DLG2: variants seen among roughly 807,000 people sequenced by gnomAD.
DLG2 encodes discs large MAGUK scaffold protein 2, also known as disks large homolog 2.
A neutral mutation model predicts 132.5 loss-of-function variants in DLG2; 45 were observed. That is an observed-to-expected ratio of 0.34 (90% CI 0.27 to 0.44). The LOEUF (loss-of-function observed/expected upper bound fraction) is 0.44. Among genes scored for constraint, DLG2 ranks in the 20% least tolerant of loss-of-function variants. DLG2 has a pLI of 1.00. For synonymous variants in DLG2, 424 were observed against 419.6 expected (o/e 1.01, Z -0.13); for missense variants, 1,045 against 1,196.9 (o/e 0.87, Z 1.87).
intron 3 of DLG2, among the ~76,000 whole-genome samples, chr11:85,388,577 C>A (rs1008169266): frequency 6.6e-6 from 1 of 152,084 alleles, no homozygotes; most frequent in Non-Finnish European, 1.5e-5. Context: ...CACAAGCAAG[C>A]GCTCATACAG....
At chr11:84,906,035 C>T (rs10898325) in intron 6 of DLG2, among the ~76,000 whole-genome samples, 73,379 of 151,894 alleles carry the variant, frequency 0.48, 18,080 homozygotes, top group South Asian at 0.61. Flanking sequence ...ATTCCTAGTT[C>T]AGCAAATTCA....
At chr11:84,116,083 G>A (rs1320246136) in intron 9 of DLG2, among the ~76,000 whole-genome samples, 1 of 152,188 alleles carries the variant, frequency 6.6e-6, no homozygotes, top group Non-Finnish European at 1.5e-5. Flanking sequence ...CACCAAATTC[G>A]TGTGTTGGAA....
intron 9 of DLG2, among the ~76,000 whole-genome samples, chr11:84,151,117 C>T (rs2154250862): frequency 6.6e-6 from 1 of 151,318 alleles, no homozygotes; most frequent in Admixed American, 6.6e-5. Flanking sequence ...ATGACGTTGG[C>T]TTTGTAGAAT....
chr11:83,857,478 A>G (rs542583974), intron 16 of DLG2, among the ~76,000 whole-genome samples: 6 of 152,132 alleles, frequency 3.9e-5, no homozygotes, highest in East Asian at 1.9e-4. Context: ...TGTTTGTGTC[A>G]TCTCTGAGAA....
At chr11:84,659,701 A>T (rs1385289225) in intron 6 of DLG2, among the ~76,000 whole-genome samples, 1 of 152,110 alleles carries the variant, frequency 6.6e-6, no homozygotes, top group African/African-American at 2.4e-5. Flanking sequence ...TGCTAAACCA[A>T]CTATGAGGTA....
chr11:85,546,237 T>C (rs1192383901), intron 3 of DLG2, among the ~76,000 whole-genome samples: 1 of 152,206 alleles, frequency 6.6e-6, no homozygotes. Flanking sequence ...TCTGCCTTCA[T>C]TTTGTTATTT....
At chr11:84,193,475 G>T (rs988069375) in intron 8 of DLG2, among the ~76,000 whole-genome samples, 3 of 152,166 alleles carry the variant, frequency 2.0e-5, no homozygotes, top group Non-Finnish European at 4.4e-5. Flanking sequence ...TTAGAAGAAT[G>T]GCTGGCATAT....
chr11:85,132,030 T>C (rs1245903921), intron 5 of DLG2, among the ~76,000 whole-genome samples: 5 of 151,432 alleles, frequency 3.3e-5, no homozygotes, highest in African/African-American at 1.2e-4. Context: ...AAATAATCAG[T>C]GATTATAAAA....
intron 4 of DLG2, among the ~76,000 whole-genome samples, chr11:85,256,413 A>T (rs924198790): frequency 1.3e-5 from 2 of 152,136 alleles, no homozygotes; most frequent in African/African-American, 2.4e-5. Context: ...CTTCGCATTC[A>T]TCCTTCAAGT....
chr11:84,174,493 C>T lies in DLG2; in HGVS notation c.574-10982G>A, dbSNP rs374865950. Among the ~76,000 whole-genome samples, 19 of 152,266 alleles carry T rather than the reference C, an allele frequency of 1.2e-4. No individual in the cohort carries two copies. The South Asian group carries it at 3.7e-3, about 30-fold the overall frequency. On this transcript the variant is annotated intron_variant, in intron 8 of 27. Coordinates refer to ENST00000376104, the MANE Select transcript of DLG2 (RefSeq NM_001142699.3). The stretch of plus-strand genomic sequence containing the variant: ...TCTAGCCAAGTAATTGAGCTGAACA[C>T]CTCCTCCTTTTGGTATCTTTACTAA...
intron 9 of DLG2, among the ~76,000 whole-genome samples, chr11:84,102,353 A>C (rs1439562886): frequency 6.6e-6 from 1 of 152,068 alleles, no homozygotes; most frequent in Non-Finnish European, 1.5e-5. Flanking sequence ...TAAATACTTG[A>C]TGAATGAAGT....
intron 7 of DLG2, among the ~76,000 whole-genome samples, chr11:84,507,704 G>GT (rs1223470473): frequency 6.6e-6 from 1 of 152,172 alleles, no homozygotes; most frequent in East Asian, 1.9e-4. Context: ...TTTATTCAAA[G>GT]TTTTTTCTAT....
chr11:84,652,492 G>T (rs1565566288), intron 6 of DLG2, among the ~76,000 whole-genome samples: 1 of 151,982 alleles, frequency 6.6e-6, no homozygotes, highest in Non-Finnish European at 1.5e-5. Context: ...TAAAGAAGAA[G>T]GCAATGAAAT....
rs180931926 is a variant in DLG2 at position 85,521,380 on chromosome 11, T to C, written c.40+77277A>G. On this transcript the variant is annotated intron_variant, in intron 3 of 27. Transcript: ENST00000376104. ...TGTTTGCTTCCCCTTCTGCCATGAT[T>C]GTAAGTTTCCTGAGGCCTCCCCAGC... Among the ~76,000 whole-genome samples, 672 of 152,358 alleles carry C rather than the reference T, an allele frequency of 4.4e-3. 7 individuals carry two copies. Among genetic ancestry groups the C allele is most frequent in the Non-Finnish European group, 8.1e-3 (552 of 68,026 alleles).
At chr11:85,052,547 T>C (rs1009639641) in intron 6 of DLG2, among the ~76,000 whole-genome samples, 1 of 152,216 alleles carries the variant, frequency 6.6e-6, no homozygotes, top group Non-Finnish European at 1.5e-5. Context: ...TTATAAGATA[T>C]AGCAGTGAAT....
chr11:83,480,230 G>A (rs2092992299), intron 22 of DLG2: 1 of 695,184 alleles, frequency 1.4e-6, no homozygotes, highest in Middle Eastern at 2.4e-4. Flanking sequence ...TCCACATCCA[G>A]TGATTTCATT....
intron 16 of DLG2, among the ~76,000 whole-genome samples, chr11:83,836,570 A>G (rs573136898): frequency 1.3e-5 from 2 of 152,318 alleles, no homozygotes; most frequent in South Asian, 4.1e-4. Flanking sequence ...TGATTAGGCC[A>G]GGCCCACCCA....
chr11:85,515,654 G>A (rs1598170641), intron 3 of DLG2, among the ~76,000 whole-genome samples: 2 of 151,962 alleles, frequency 1.3e-5, no homozygotes, highest in South Asian at 4.1e-4. Context: ...ATGACATAAA[G>A]AGAAACAACA....
chr11:83,790,514 T>G, intron 17 of DLG2: 6 of 1,268,026 alleles, frequency 4.7e-6, no homozygotes, highest in Non-Finnish European at 6.9e-6. Flanking sequence ...CATAAACTCT[T>G]GCAACACCAG....
Sources: gnomAD v4.1 joint callset for allele counts (sites outside exome capture counted in the v4.1 genomes callset) on GRCh38, gnomAD v4.1.1 for gene constraint, MANE v1.5 for transcripts, NCBI Gene and HGNC (gene_info 2026-07-23, HGNC 2026-07-21) for gene names.